GRID2: variants seen among roughly 807,000 people sequenced by gnomAD.
The protein encoded by GRID2 is glutamate receptor ionotropic, delta-2.
In GRID2, 33 loss-of-function variants were observed where a neutral mutation model predicts 114.8. The ratio of observed to expected loss-of-function variants is 0.29; its 90% CI spans 0.22 to 0.38. The LOEUF (loss-of-function observed/expected upper bound fraction) is 0.38, where lower values mean the gene tolerates loss of function less well. GRID2 is among the 10% of genes least tolerant of loss of function. GRID2 has a pLI of 1.00. For synonymous variants in GRID2, 505 were observed against 449.9 expected (o/e 1.12, Z -1.55); for missense variants, 1,184 against 1,257.7 (o/e 0.94, Z 0.89).
intron 2 of GRID2, among the ~76,000 whole-genome samples, chr4:92,947,673 A>G (rs1465016107): frequency 1.3e-5 from 2 of 151,790 alleles, no homozygotes; most frequent in Non-Finnish European, 3.0e-5. Flanking sequence ...ATAGCCTTCA[A>G]ATAGTCTTCA....
At chr4:93,598,749 C>A (rs1443179996) in intron 13 of GRID2, among the ~76,000 whole-genome samples, 1 of 152,068 alleles carries the variant, frequency 6.6e-6, no homozygotes, top group Non-Finnish European at 1.5e-5. Flanking sequence ...TATCTTTTGC[C>A]TCTTTCTTTA....
At chr4:92,609,283 T>A (rs188305975) in intron 2 of GRID2, among the ~76,000 whole-genome samples, 21 of 151,748 alleles carry the variant, frequency 1.4e-4, no homozygotes, top group African/African-American at 5.1e-4. Context: ...ATTTAATTAA[T>A]GTAACAAATA....
At chr4:92,430,185 A>G (rs1732370096) in intron 1 of GRID2, among the ~76,000 whole-genome samples, 1 of 152,114 alleles carries the variant, frequency 6.6e-6, no homozygotes, top group Admixed American at 6.6e-5. Flanking sequence ...TGCACAGACC[A>G]ATGTCGTGGA....
At chr4:93,149,376 C>A (rs1288588424) in intron 4 of GRID2, among the ~76,000 whole-genome samples, 1 of 151,864 alleles carries the variant, frequency 6.6e-6, no homozygotes, top group Non-Finnish European at 1.5e-5. Context: ...GAGTTCGAGA[C>A]CAACTTGGCC....
chr4:92,872,637 A>T (rs1745357351), intron 2 of GRID2, among the ~76,000 whole-genome samples: 1 of 152,200 alleles, frequency 6.6e-6, no homozygotes, highest in Admixed American at 6.5e-5. Context: ...AGAGGAAGCC[A>T]AGAGGCTTAA....
intron 2 of GRID2, among the ~76,000 whole-genome samples, chr4:92,923,310 T>C (rs192569647): frequency 6.6e-6 from 1 of 152,306 alleles, no homozygotes; most frequent in African/African-American, 2.4e-5. Context: ...TTGAATATAC[T>C]GTTTTATATT....
intron 11 of GRID2, among the ~76,000 whole-genome samples, chr4:93,456,926 C>T (rs927160869): frequency 1.5e-4 from 23 of 152,124 alleles, no homozygotes; most frequent in Admixed American, 3.3e-4. Context: ...GCATGCTTTT[C>T]CCTCCACCCT....
At chr4:93,710,003 A>T (rs1017996617) in intron 14 of GRID2, among the ~76,000 whole-genome samples, 1 of 152,144 alleles carries the variant, frequency 6.6e-6, no homozygotes, top group Non-Finnish European at 1.5e-5. Context: ...GAACTTCCTT[A>T]AAACAGCCAT....
At chr4:93,434,722 C>G (rs1720904866) in intron 10 of GRID2, among the ~76,000 whole-genome samples, 1 of 152,134 alleles carries the variant, frequency 6.6e-6, no homozygotes, top group Non-Finnish European at 1.5e-5. Flanking sequence ...CCAGAGTGAT[C>G]CAGTCATTTT....
intron 1 of GRID2, among the ~76,000 whole-genome samples, chr4:92,581,067 C>T (rs1225464596): frequency 6.6e-6 from 1 of 151,746 alleles, no homozygotes; most frequent in East Asian, 1.9e-4. Flanking sequence ...TGCAACATAG[C>T]ACACAAGGTT....
At chr4:93,755,959 T>G (rs1002426236) in intron 14 of GRID2, among the ~76,000 whole-genome samples, 7 of 152,224 alleles carry the variant, frequency 4.6e-5, no homozygotes, top group Admixed American at 1.3e-4. Flanking sequence ...AAAGCTTGTA[T>G]ATGAAGAATT....
At chr4:93,344,591 C>T (rs1352310625) in intron 8 of GRID2, among the ~76,000 whole-genome samples, 1 of 149,304 alleles carries the variant, frequency 6.7e-6, no homozygotes, top group Non-Finnish European at 1.5e-5. Context: ...GAGCTTAAAT[C>T]AGCAATTTCT....
At chr4:92,746,424 G>A (rs969013341) in intron 2 of GRID2, among the ~76,000 whole-genome samples, 10 of 152,100 alleles carry the variant, frequency 6.6e-5, no homozygotes, top group Middle Eastern at 3.2e-3. Context: ...ATTAAAGCCA[G>A]ACCATCTAGA....
At chr4:92,411,458 C>T (rs938495676) in intron 1 of GRID2, among the ~76,000 whole-genome samples, 2 of 151,726 alleles carry the variant, frequency 1.3e-5, no homozygotes, top group Non-Finnish European at 2.9e-5. Context: ...AAATATGTTA[C>T]TTTATTCTTA....
intron 13 of GRID2, among the ~76,000 whole-genome samples, chr4:93,545,316 G>A (rs184416778): frequency 1.0e-3 from 156 of 152,298 alleles, no homozygotes; most frequent in Non-Finnish European, 1.6e-3. Flanking sequence ...GTCTTTCTAA[G>A]TACTGTATAT....
At chr4:92,566,736 C>A (rs1334892406) in intron 1 of GRID2, among the ~76,000 whole-genome samples, 1 of 151,960 alleles carries the variant, frequency 6.6e-6, no homozygotes, top group Non-Finnish European at 1.5e-5. Context: ...TTCTATGTAA[C>A]TATGAAAACT....
intron 14 of GRID2, among the ~76,000 whole-genome samples, chr4:93,661,269 C>T (rs1175933310): frequency 6.6e-6 from 1 of 152,172 alleles, no homozygotes; most frequent in Non-Finnish European, 1.5e-5. Flanking sequence ...TTGCTCGATG[C>T]TTAAGTTTCC....
chr4:93,490,520 A>C, intron 11 of GRID2, 119 bp from the exon 12 acceptor site: 1 of 662,290 alleles, frequency 1.5e-6, no homozygotes, highest in East Asian at 2.6e-5. Flanking sequence ...ATCTATGTTG[A>C]TGTTAAGCAG....
chr4:92,918,673 A>C (rs1456978423), intron 2 of GRID2, among the ~76,000 whole-genome samples: 1 of 152,142 alleles, frequency 6.6e-6, no homozygotes, highest in Non-Finnish European at 1.5e-5. Flanking sequence ...GTGTATATTG[A>C]ACCAGCCTTG....
Sources: allele counts gnomAD v4.1 joint callset (sites outside exome capture counted in the v4.1 genomes callset), GRCh38; gene constraint gnomAD v4.1.1; transcripts MANE v1.5; gene names NCBI Gene and HGNC (gene_info 2026-07-23, HGNC 2026-07-21).